The following SHROOM3 variants were observed in gnomAD, a reference collection of about 807,000 sequenced individuals.
SHROOM3 encodes shroom family member 3.
In SHROOM3, 47 loss-of-function variants were observed where a neutral mutation model predicts 138.6. The ratio of observed to expected loss-of-function variants is 0.34; its 90% confidence interval spans 0.27 to 0.43. SHROOM3 has a LOEUF of 0.43. SHROOM3 is among the 20% of genes least tolerant of loss of function. The probability of loss-of-function intolerance (pLI) is 1.00; values close to 1 mark genes in which losing one functional copy is unlikely to be tolerated. For synonymous variants in SHROOM3, 1,062 were observed against 1,063.3 expected (o/e 1.00, Z 0.02); for missense variants, 2,491 against 2,596.5 (o/e 0.96, Z 0.88).
intron 2 of SHROOM3, among the ~76,000 whole-genome samples, chr4:76,574,676 T>C (rs1010731459): frequency 6.6e-6 from 1 of 152,120 alleles, no homozygotes; most frequent in East Asian, 1.9e-4. Context: ...TGCTACAACA[T>C]GGATGAACCC....
intron 2 of SHROOM3, among the ~76,000 whole-genome samples, chr4:76,659,138 A>G (rs922022260): frequency 2.6e-5 from 4 of 152,022 alleles, no homozygotes; most frequent in African/African-American, 9.7e-5. Flanking sequence ...CCCTCTGATT[A>G]AATTGTCTCA....
In SHROOM3 at chr4:76,779,152, T is replaced by TC; in HGVS notation, c.5969dup (p.Thr1991AsnfsTer25). ...GGGGGCTGTACTTTCAGTGGTATTT[T>TC]CCCAACATTAACCTCTCCACTTTAA... On this transcript the variant is annotated frameshift_variant, in exon 11 of 11. Coordinates refer to ENST00000296043, the MANE Select transcript of SHROOM3 (RefSeq NM_020859.4). LOFTEE classifies it high-confidence loss of function. 1 of 1,613,132 alleles carries TC rather than the reference T, an allele frequency of 6.2e-7. No homozygotes were observed. Among genetic ancestry groups the TC allele is most frequent in the Non-Finnish European group, 8.5e-7 (1 of 1,179,356 alleles).
At chr4:76,523,208 G>GGACATGA (rs1395973953) in intron 1 of SHROOM3, among the ~76,000 whole-genome samples, 2 of 152,060 alleles carry the variant, frequency 1.3e-5, no homozygotes, top group African/African-American at 4.8e-5. Context: ...CATCTTCATG[G>GGACATGA]GACATTCTCT....
At chr4:76,624,507 G>A (rs933024153) in intron 2 of SHROOM3, among the ~76,000 whole-genome samples, 1 of 152,136 alleles carries the variant, frequency 6.6e-6, no homozygotes, top group Non-Finnish European at 1.5e-5. Context: ...ATTTCAGAAG[G>A]CCTTGAGTCC....
chr4:76,662,673 CTT>C (rs1178926757), intron 2 of SHROOM3, among the ~76,000 whole-genome samples: 2 of 152,244 alleles, frequency 1.3e-5, no homozygotes, highest in East Asian at 3.8e-4. Context: ...ATCAGGATCA[CTT>C]TTCATTATCC....
At chr4:76,440,417 G>C (rs957893232) in intron 1 of SHROOM3, among the ~76,000 whole-genome samples, 1 of 152,126 alleles carries the variant, frequency 6.6e-6, no homozygotes, top group Non-Finnish European at 1.5e-5. Context: ...CTGAACATTT[G>C]GCTCTCTCTA....
chr4:76,551,656 T>C (rs1340051439), intron 1 of SHROOM3, among the ~76,000 whole-genome samples: 1 of 152,034 alleles, frequency 6.6e-6, no homozygotes, highest in African/African-American at 2.4e-5. Context: ...TGAAGTCTCT[T>C]CAATAACTTC....
At chr4:76,476,891 A>G (rs1731495169) in intron 1 of SHROOM3, among the ~76,000 whole-genome samples, 1 of 152,180 alleles carries the variant, frequency 6.6e-6, no homozygotes, top group African/African-American at 2.4e-5. Flanking sequence ...AGTTCCTACG[A>G]GTGTGGAGAA....
intron 1 of SHROOM3, among the ~76,000 whole-genome samples, chr4:76,538,486 G>C (rs1400115356): frequency 6.6e-6 from 1 of 152,190 alleles, no homozygotes; most frequent in Non-Finnish European, 1.5e-5. Context: ...ATGTTGGTGA[G>C]AGGTCTGACA....
chr4:76,510,322 G>A (rs777483373), intron 1 of SHROOM3, among the ~76,000 whole-genome samples: 3 of 152,184 alleles, frequency 2.0e-5, no homozygotes, highest in Non-Finnish European at 4.4e-5. Flanking sequence ...ATGGGATGAG[G>A]TAAAGTCAGT....
rs1379067244 is a variant in SHROOM3, at chr4:76,770,916, G to T, written c.5622+18G>T. On this transcript the variant is annotated intron_variant, in intron 10 of 10. Transcript: ENST00000296043. Reference sequence around the variant, plus strand: ...AAGAAAGGGTAGGTGGCCTAGTGATGCAGTTCAACAAGTTCTCCCTCAAAG... The same window carrying T: ...AAGAAAGGGTAGGTGGCCTAGTGATTCAGTTCAACAAGTTCTCCCTCAAAG... 1 of 1,614,174 alleles carries T rather than the reference G, an allele frequency of 6.2e-7. No individual in the cohort carries two copies.
intron 1 of SHROOM3, among the ~76,000 whole-genome samples, chr4:76,480,099 A>AT (rs1731573233): frequency 1.3e-5 from 2 of 152,356 alleles, no homozygotes; most frequent in East Asian, 3.9e-4. Flanking sequence ...ATAGCATCAT[A>AT]CTGACAGGAT....
intron 1 of SHROOM3, among the ~76,000 whole-genome samples, chr4:76,547,653 G>A (rs916590471): frequency 1.3e-5 from 2 of 152,158 alleles, no homozygotes; most frequent in African/African-American, 2.4e-5. Context: ...TTCATGGCCA[G>A]GCGCGGCGGC....
At chr4:76,552,879 C>T (rs1163001522) in intron 1 of SHROOM3, among the ~76,000 whole-genome samples, 2 of 152,010 alleles carry the variant, frequency 1.3e-5, no homozygotes, top group South Asian at 2.1e-4. Context: ...TTGTTATTGA[C>T]GTCTATAAGT....
intron 1 of SHROOM3, among the ~76,000 whole-genome samples, chr4:76,526,045 T>G (rs988058603): frequency 6.6e-6 from 1 of 152,190 alleles, no homozygotes; most frequent in South Asian, 2.1e-4. Flanking sequence ...TTATACCTCT[T>G]TTTCTGGATC....
chr4:76,657,158 C>A (rs1227936186), intron 2 of SHROOM3, among the ~76,000 whole-genome samples: 1 of 151,594 alleles, frequency 6.6e-6, no homozygotes, highest in Non-Finnish European at 1.5e-5. Context: ...GCCTGGGCAA[C>A]AAGAGCGAAA....
At chr4:76,633,348 A>AAAAAAG (rs1482342254) in intron 2 of SHROOM3, among the ~76,000 whole-genome samples, 6 of 149,218 alleles carry the variant, frequency 4.0e-5, no homozygotes, top group African/African-American at 1.2e-4. Context: ...AAAAAAAAAA[A>AAAAAAG]AAAAAGAAAA....
intron 10 of SHROOM3, among the ~76,000 whole-genome samples, chr4:76,774,053 G>T (rs1190692721): frequency 6.6e-6 from 1 of 152,142 alleles, no homozygotes; most frequent in African/African-American, 2.4e-5. Context: ...TGTTGATGTA[G>T]GCAATTGTCC....
At chr4:76,551,679 G>C (rs1356855716) in intron 1 of SHROOM3, among the ~76,000 whole-genome samples, 1 of 152,066 alleles carries the variant, frequency 6.6e-6, no homozygotes, top group Non-Finnish European at 1.5e-5. Flanking sequence ...AGTCCAAGGT[G>C]GGGAGGGGTG....
Sources: gnomAD v4.1 joint callset for allele counts (sites outside exome capture counted in the v4.1 genomes callset) on GRCh38, gnomAD v4.1.1 for gene constraint, MANE v1.5 for transcripts, NCBI Gene and HGNC (gene_info 2026-07-23, HGNC 2026-07-21) for gene names.